The following ASPRV1 variants were observed in gnomAD, a reference collection of about 807,000 sequenced individuals.
ASPRV1 encodes retroviral-like aspartic protease 1.
ASPRV1 carries 7 observed loss-of-function variants against 11.0 expected under a neutral mutation model. The ratio of observed to expected loss-of-function variants is 0.64; its 90% CI spans 0.36 to 1.20. The LOEUF (loss-of-function observed/expected upper bound fraction) is 1.20. Among genes scored for constraint, ASPRV1 ranks in the 50% most tolerant of loss-of-function variants. The probability of loss-of-function intolerance (pLI) is 0.02; values close to 1 mark genes in which losing one functional copy is unlikely to be tolerated. For missense variants in ASPRV1, 299 were observed against 320.0 expected (o/e 0.93, Z 0.50); for synonymous variants, 136 against 138.4 (o/e 0.98, Z 0.12).
the ASPRV1 span, among the ~76,000 whole-genome samples, chr2:70,029,217 T>C: frequency 6.6e-6 from 1 of 152,164 alleles, no homozygotes; most frequent in South Asian, 2.1e-4. Context: ...GAATATTTAT[T>C]TGGAATAACT....
chr2:69,948,901 A>C, the ASPRV1 span, among the ~76,000 whole-genome samples: 34 of 138,762 alleles, frequency 2.5e-4, no homozygotes, highest in East Asian at 4.2e-4. Context: ...CCCTCTCCTC[A>C]CTCTTCCCTG....
the ASPRV1 span, among the ~76,000 whole-genome samples, chr2:70,068,260 A>C: frequency 2.0e-5 from 3 of 152,238 alleles, no homozygotes; most frequent in South Asian, 6.2e-4. Context: ...AAGGTATCTG[A>C]AAGTATCTGG....
the ASPRV1 span, chr2:69,938,095 A>T: frequency 6.2e-7 from 1 of 1,613,712 alleles, no homozygotes; most frequent in South Asian, 1.1e-5. Context: ...TCCTCCCTGC[A>T]GAAGAAATCG....
the ASPRV1 span, among the ~76,000 whole-genome samples, chr2:70,040,969 T>C: frequency 6.6e-6 from 1 of 152,314 alleles, no homozygotes; most frequent in African/African-American, 2.4e-5. Context: ...GCTGACTCCC[T>C]GGTCTTCAGT....
At chr2:69,958,078 C>A (rs1473605397), downstream of ASPRV1, among the ~76,000 whole-genome samples, 1 of 152,168 alleles carries the variant, frequency 6.6e-6, no homozygotes, top group Non-Finnish European at 1.5e-5. Context: ...TGGCCACAAC[C>A]CACTTTTTCT....
the ASPRV1 span, among the ~76,000 whole-genome samples, chr2:70,058,551 ATT>A: frequency 3.2e-4 from 44 of 138,566 alleles, no homozygotes; most frequent in Non-Finnish European, 3.0e-4. Context: ...CTCTGAAGAA[ATT>A]TTTTTTTTTT....
the ASPRV1 span, among the ~76,000 whole-genome samples, chr2:70,053,146 G>C: frequency 6.6e-6 from 1 of 152,170 alleles, no homozygotes; most frequent in African/African-American, 2.4e-5. Flanking sequence ...TTGAGACTAA[G>C]TCCCTACGAA....
chr2:70,008,606 T>C, the ASPRV1 span, among the ~76,000 whole-genome samples: 2 of 152,000 alleles, frequency 1.3e-5, no homozygotes, highest in Non-Finnish European at 2.9e-5. Flanking sequence ...ATTTGTAAAC[T>C]TTCTTAAAAC....
At chr2:70,067,451 A>G in the ASPRV1 span, among the ~76,000 whole-genome samples, 2 of 152,120 alleles carry the variant, frequency 1.3e-5, no homozygotes, top group Admixed American at 1.3e-4. Context: ...GCTGCCAAAG[A>G]GGTTGAGATC....
the ASPRV1 span, among the ~76,000 whole-genome samples, chr2:69,973,882 C>T: frequency 9.2e-5 from 14 of 152,146 alleles, no homozygotes; most frequent in African/African-American, 3.1e-4. Flanking sequence ...TGGTTGCTGC[C>T]CACTTCTGTG....
the ASPRV1 span, among the ~76,000 whole-genome samples, chr2:69,934,056 C>G: frequency 2.6e-5 from 4 of 152,206 alleles, no homozygotes; most frequent in Admixed American, 2.6e-4. Context: ...ATAATCCATT[C>G]AGCAAACACT....
chr2:70,078,989 G>A, the ASPRV1 span, among the ~76,000 whole-genome samples: 1 of 152,168 alleles, frequency 6.6e-6, no homozygotes, highest in Non-Finnish European at 1.5e-5. Flanking sequence ...GGACCTGCTG[G>A]TGGATTGGAT....
chr2:70,030,058 G>GA, the ASPRV1 span: 1 of 152,252 alleles, frequency 6.6e-6, no homozygotes, highest in South Asian at 2.1e-4. Context: ...TTGCTGACTT[G>GA]AAAAACTATT....
the ASPRV1 span, among the ~76,000 whole-genome samples, chr2:70,051,947 T>G: frequency 1.3e-5 from 2 of 152,038 alleles, no homozygotes; most frequent in South Asian, 4.2e-4. Flanking sequence ...TGCACTCCAG[T>G]GTGGGTGACA....
the ASPRV1 span, among the ~76,000 whole-genome samples, chr2:70,079,034 T>A: frequency 6.6e-6 from 1 of 152,160 alleles, no homozygotes; most frequent in East Asian, 1.9e-4. Context: ...AGGGAGACTC[T>A]CTATATATTC....
chr2:69,987,079 T>C, the ASPRV1 span, among the ~76,000 whole-genome samples: 5 of 151,858 alleles, frequency 3.3e-5, no homozygotes, highest in Non-Finnish European at 7.4e-5. Flanking sequence ...GGAATGCTGC[T>C]CCCGGAAAAG....
At chr2:70,004,633 G>T in the ASPRV1 span, among the ~76,000 whole-genome samples, 1 of 151,258 alleles carries the variant, frequency 6.6e-6, no homozygotes, top group African/African-American at 2.4e-5. Flanking sequence ...TAAGAAGATA[G>T]ACTACCTGAG....
the ASPRV1 span, chr2:69,937,172 G>A: frequency 1.2e-4 from 196 of 1,592,740 alleles, 2 homozygotes; most frequent in South Asian, 2.0e-3. Flanking sequence ...GGGAAGATGC[G>A]GGGGCCATTG....
At chr2:70,019,787 C>A in the ASPRV1 span, among the ~76,000 whole-genome samples, 1 of 151,974 alleles carries the variant, frequency 6.6e-6, no homozygotes, top group Non-Finnish European at 1.5e-5. Context: ...GGATGTTGGT[C>A]AAAGGACACA....
Sources: allele counts gnomAD v4.1 joint callset (sites outside exome capture counted in the v4.1 genomes callset), GRCh38; gene constraint gnomAD v4.1.1; transcripts MANE v1.5; gene names NCBI Gene and HGNC (gene_info 2026-07-23, HGNC 2026-07-21).